SUSD4: variants seen among roughly 807,000 people sequenced by gnomAD.
SUSD4 encodes the protein sushi domain-containing protein 4.
A neutral mutation model predicts 50.5 loss-of-function variants in SUSD4; 41 were observed. The ratio of observed to expected loss-of-function variants is 0.81; its 90% CI spans 0.63 to 1.05. SUSD4 has a LOEUF of 1.05. Ranked by LOEUF, SUSD4 falls within the 50% of genes least tolerant of loss-of-function variation. SUSD4 has a pLI of 0.00. For missense variants in SUSD4, 580 were observed against 634.7 expected, an observed-to-expected ratio of 0.91 and a Z score of 0.93; for synonymous variants, 257 against 257.3, an observed-to-expected ratio of 1.00 and a Z score of 0.01.
At chr1:223,303,172 T>C (rs1351771936) in intron 2 of SUSD4, among the ~76,000 whole-genome samples, 2 of 151,962 alleles carry the variant, frequency 1.3e-5, no homozygotes, top group Non-Finnish European at 2.9e-5. Flanking sequence ...CCCAAAATCA[T>C]TGATAACACA....
rs548956710 is a variant in SUSD4, at chr1:223,353,824, G to T, written c.148+9454C>A. Reference sequence around the variant, plus strand: ...CAGACCCCTCTGCTCAATGTCCCTAGGAAGGGAGACACCCAAAGCCACTCA... The same window carrying T: ...CAGACCCCTCTGCTCAATGTCCCTATGAAGGGAGACACCCAAAGCCACTCA... On this transcript the variant is annotated intron_variant, in intron 2 of 8. Coordinates refer to ENST00000366878, the MANE Select transcript of SUSD4 (RefSeq NM_017982.4). Among the ~76,000 whole-genome samples the T allele has an allele frequency of 2.6e-5, 4 of 152,166 alleles. No homozygotes were observed. In the South Asian group the frequency reaches 8.3e-4, roughly 32 times the overall value.
intron 5 of SUSD4, among the ~76,000 whole-genome samples, chr1:223,232,657 A>G (rs1659972591): frequency 6.6e-6 from 1 of 152,250 alleles, no homozygotes; most frequent in Non-Finnish European, 1.5e-5. Context: ...AAATGGTCCC[A>G]TGGTGTGCTC....
chr1:223,308,355 T>G (rs1403462721), intron 2 of SUSD4, among the ~76,000 whole-genome samples: 2 of 152,102 alleles, frequency 1.3e-5, no homozygotes, highest in Non-Finnish European at 1.5e-5. Flanking sequence ...GTTCCTGCTC[T>G]TACCATGTGA....
intron 3 of SUSD4, among the ~76,000 whole-genome samples, chr1:223,279,234 C>T (rs555524912): frequency 4.8e-4 from 73 of 152,274 alleles, no homozygotes; most frequent in African/African-American, 1.6e-3. Context: ...ATGACTTTGA[C>T]GAGTTGAGAG....
At chr1:223,249,795 A>G (rs1458351711) in intron 5 of SUSD4, among the ~76,000 whole-genome samples, 2 of 152,248 alleles carry the variant, frequency 1.3e-5, no homozygotes, top group Non-Finnish European at 2.9e-5. Flanking sequence ...AATGCATGCT[A>G]TTCTGTGAAA....
At chr1:223,292,047 A>G (rs1664524697) in intron 3 of SUSD4, among the ~76,000 whole-genome samples, 1 of 152,214 alleles carries the variant, frequency 6.6e-6, no homozygotes, top group South Asian at 2.1e-4. Context: ...TAATCCTCTG[A>G]GTAATGCACA....
At chr1:223,293,210 C>T (rs1051612088) in intron 2 of SUSD4, among the ~76,000 whole-genome samples, 2 of 152,070 alleles carry the variant, frequency 1.3e-5, no homozygotes, top group East Asian at 1.9e-4. Flanking sequence ...GAATGCCCTT[C>T]CTCCTCCTCT....
intron 5 of SUSD4, among the ~76,000 whole-genome samples, chr1:223,237,329 A>G (rs891135989): frequency 1.1e-4 from 17 of 152,094 alleles, no homozygotes; most frequent in African/African-American, 3.6e-4. Flanking sequence ...TCCAATCTAT[A>G]TATCTTTTAT....
intron 2 of SUSD4, among the ~76,000 whole-genome samples, chr1:223,299,950 T>C (rs1189246215): frequency 6.6e-6 from 1 of 152,194 alleles, no homozygotes; most frequent in Non-Finnish European, 1.5e-5. Context: ...CTCCTGCTGG[T>C]TCTGTTTCTC....
intron 2 of SUSD4, among the ~76,000 whole-genome samples, chr1:223,346,633 C>G (rs1365884882): frequency 6.6e-6 from 1 of 152,160 alleles, no homozygotes. Context: ...GACCCTCAAC[C>G]TACCCTTTAG....
chr1:223,267,967 C>T (rs865788355), intron 4 of SUSD4, among the ~76,000 whole-genome samples: 29 of 133,966 alleles, frequency 2.2e-4, no homozygotes, highest in African/African-American at 4.9e-4. Flanking sequence ...CCAGCTTGTT[C>T]GGATGAAATT....
In SUSD4 at chr1:223,229,315, G is replaced by C. The variant is rs768479836; in HGVS notation, c.798C>G (p.His266Gln). 6.2e-7 allele frequency: 1 copy of C among 1,612,500 alleles called. No homozygotes were observed. The highest frequency in any genetic ancestry group is 8.5e-7 in the Non-Finnish European group (1 of 1,178,778). The stretch of plus-strand genomic sequence containing the variant: ...CGCAGTAAAACTCCACCACAGTTCC[G>C]TGGTTGTAGCGCTCACAAGGCCGCG... ...CHPRPCERYN[H>Q]GTVVEFYCDP... is the part of the protein sequence containing the mutation. Residue 266 changes from histidine to glutamine, a missense_variant, in exon 6 of 9, where the codon CAC becomes CAG. Transcript: ENST00000366878. This position sits in a 1 kb window ranked among gnomAD's most constrained non-coding sequence, Gnocchi z 4.7.
chr1:223,282,502 G>T (rs2103119963), intron 3 of SUSD4, among the ~76,000 whole-genome samples: 1 of 152,182 alleles, frequency 6.6e-6, no homozygotes, highest in South Asian at 2.1e-4. Flanking sequence ...GCTTCAAAAA[G>T]AATAAAATAC....
At chr1:223,364,873 C>T (rs907992835), upstream of SUSD4, among the ~76,000 whole-genome samples, 1 of 152,142 alleles carries the variant, frequency 6.6e-6, no homozygotes, top group African/African-American at 2.4e-5. The surrounding 1 kb of genome is among the most constrained non-coding windows in gnomAD (Gnocchi z 4.5). Context: ...CGAAGCTCTG[C>T]GCGTCCCCAG....
chr1:223,263,818 G>A (rs978095451), intron 5 of SUSD4: 1 of 985,406 alleles, frequency 1.0e-6, no homozygotes, highest in African/African-American at 1.7e-5. Context: ...CCATTGTTTT[G>A]CTTTGTTTCC....
chr1:223,294,832 G>C (rs1664721184), intron 2 of SUSD4, among the ~76,000 whole-genome samples: 3 of 152,214 alleles, frequency 2.0e-5, no homozygotes, highest in Non-Finnish European at 4.4e-5. Flanking sequence ...GCCCAGCAGA[G>C]GGGTATTTGA....
At chr1:223,306,385 C>T (rs1665535233) in intron 2 of SUSD4, among the ~76,000 whole-genome samples, 1 of 152,220 alleles carries the variant, frequency 6.6e-6, no homozygotes, top group Admixed American at 6.5e-5. Context: ...AACCACTCAT[C>T]AGGAAAATCT....
intron 2 of SUSD4, among the ~76,000 whole-genome samples, chr1:223,362,802 C>A (rs542639320): frequency 3.9e-5 from 6 of 152,272 alleles, no homozygotes; most frequent in African/African-American, 1.4e-4. Context: ...AGTCTGACCA[C>A]GTTTCCAGAC....
chr1:223,269,031 A>T (rs1662723869), intron 3 of SUSD4, among the ~76,000 whole-genome samples: 1 of 152,228 alleles, frequency 6.6e-6, no homozygotes, highest in Admixed American at 6.5e-5. Context: ...CTGGTTACAT[A>T]CTTTACTGTG....
Sources: allele counts gnomAD v4.1 joint callset (sites outside exome capture counted in the v4.1 genomes callset), GRCh38; gene constraint gnomAD v4.1.1; non-coding constraint Gnocchi (gnomAD v3.1); transcripts MANE v1.5; gene names NCBI Gene and HGNC (gene_info 2026-07-23, HGNC 2026-07-21).